Variants in ATP2A2 observed in about 807,000 individuals in gnomAD.
The protein encoded by ATP2A2 is ATPase sarcoplasmic/endoplasmic reticulum Ca2+ transporting 2.
ATP2A2 carries 14 observed loss-of-function variants against 109.3 expected under a neutral mutation model. The observed-to-expected ratio is 0.13, with a 90% CI of 0.08 to 0.20. The LOEUF (loss-of-function observed/expected upper bound fraction) is 0.20. Among genes scored for constraint, ATP2A2 ranks in the 10% least tolerant of loss-of-function variants. ATP2A2 has a pLI of 1.00. For missense variants in ATP2A2, 657 were observed against 1,321.6 expected (o/e 0.50, Z 7.80); for synonymous variants, 506 against 490.9 (o/e 1.03, Z -0.41).
Position 110,346,567 on chromosome 12 carries a change from T to TA in ATP2A2, c.*98dup. The TA allele has an allele frequency of 6.4e-7, 1 of 1,561,406 alleles. No individual in the cohort carries two copies. Among genetic ancestry groups the TA allele is most frequent in the Non-Finnish European group, 8.6e-7 (1 of 1,158,052 alleles). ...TTTCTGCTGAATTTTCACATGAACATACTGGCTGGTGATGGAGGTTTCATA... is the reference window on the plus strand; with the variant it reads ...TTTCTGCTGAATTTTCACATGAACATAACTGGCTGGTGATGGAGGTTTCATA... On this transcript the variant is annotated 3_prime_UTR_variant, in exon 20 of 20. Coordinates refer to ENST00000539276, the MANE Select transcript of ATP2A2 (RefSeq NM_170665.4).
intron 1 of ATP2A2, 137 bp downstream of exon 1, chr12:110,282,044 G>C: frequency 1.7e-6 from 1 of 596,538 alleles, no homozygotes; most frequent in Non-Finnish European, 2.7e-6. Context: ...CCAGCGCGCC[G>C]GCCCCGCGGG....
In ATP2A2 at chr12:110,293,367, CTTTT is replaced by C. The variant is rs1178977431; in HGVS notation, c.324+1261_324+1264del. Among the ~76,000 whole-genome samples, 645 of 79,940 alleles carry C rather than the reference CTTTT, an allele frequency of 8.1e-3. 8 individuals are homozygous for C. Among genetic ancestry groups the C allele is most frequent in the Middle Eastern group, 0.022 (2 of 90 alleles). 52.4% of individuals were successfully genotyped at this position (79,940 alleles called of 152,430 possible). A position where few individuals can be genotyped will look rare whatever the true frequency, so the allele number is the denominator to read the frequency against. ...ACAGGTGTGAGCCACCACTCCCGGCCTTTTTTTTTTTTTTTTTTTTTGTTTGTTT... is the reference window on the plus strand; with the variant it reads ...ACAGGTGTGAGCCACCACTCCCGGCCTTTTTTTTTTTTTTTTTGTTTGTTT... On this transcript the variant is annotated intron_variant, in intron 4 of 19. Coordinates refer to ENST00000539276, the MANE Select transcript of ATP2A2 (RefSeq NM_170665.4).
intron 14 of ATP2A2, among the ~76,000 whole-genome samples, chr12:110,341,647 T>C (rs1293619250): frequency 6.6e-6 from 1 of 152,014 alleles, no homozygotes; most frequent in African/African-American, 2.4e-5. Context: ...CCGAGGCAGG[T>C]GAATCACTTG....
rs560755251 is a variant in ATP2A2 at position 110,282,892 on chromosome 12, T to C, written c.219+97T>C. Reference sequence around the variant, plus strand: ...ATGATGTCCATTGGGTGAAAACATATTTGGAGTTGCAAGCTGTGTCTCTAT... The same window carrying C: ...ATGATGTCCATTGGGTGAAAACATACTTGGAGTTGCAAGCTGTGTCTCTAT... On this transcript the variant is annotated intron_variant, in intron 3 of 19. Coordinates refer to ENST00000539276, the MANE Select transcript of ATP2A2 (RefSeq NM_170665.4). 3,278 of 1,069,036 alleles carry C rather than the reference T, an allele frequency of 3.1e-3. 11 individuals carry two copies. The highest frequency in any genetic ancestry group is 0.014 in the Middle Eastern group (47 of 3,436). The allele number at this position is 1,069,036 out of a possible 1,614,324, so 66.2% of individuals were successfully genotyped here.
In ATP2A2 at chr12:110,342,683, T is replaced by C. The variant is rs895006997; in HGVS notation, c.2318+235T>C. Among the ~76,000 whole-genome samples, 8 of 152,308 alleles carry C rather than the reference T, an allele frequency of 5.3e-5. No homozygotes were observed. The highest frequency in any genetic ancestry group is 1.9e-4 in the African/African-American group (8 of 41,584). On this transcript the variant is annotated intron_variant, in intron 15 of 19. Transcript: ENST00000539276. The surrounding 1 kb of genome is among the most constrained non-coding windows in gnomAD (Gnocchi z 4.6). ...AATCCTCTTTAACGTGAGACTGAGC[T>C]AACATTAACCAGGTAGTCACATGAA...
chr12:110,346,413 C>T lies in ATP2A2; in HGVS notation c.3072C>T (p.Pro1024=). The T allele has an allele frequency of 6.2e-7, 1 of 1,614,176 alleles. No individual in the cohort carries two copies. ...ISWPFVLLIM[P]LVIWVYSTDT... ...GGCCGTTTGTGCTGCTCATAATGCCCCTGGTGATCTGGGTCTATAGCACAG... is the reference window on the plus strand; with the variant it reads ...GGCCGTTTGTGCTGCTCATAATGCCTCTGGTGATCTGGGTCTATAGCACAG... Residue 1024 remains proline (P), a synonymous_variant, in exon 20 of 20, where the codon CCC becomes CCT. Coordinates refer to ENST00000539276, the MANE Select transcript of ATP2A2 (RefSeq NM_170665.4).
At chr12:110,338,680 T>G (rs2137848850) in intron 11 of ATP2A2, among the ~76,000 whole-genome samples, 1 of 152,298 alleles carries the variant, frequency 6.6e-6, no homozygotes, top group East Asian at 1.9e-4. Context: ...ACTGCTGACC[T>G]CAGGTGATCC....
chr12:110,346,476 A>G lies in ATP2A2; in HGVS notation c.*6A>G, dbSNP rs1427805492. 2 of 1,614,192 alleles carry G rather than the reference A, an allele frequency of 1.2e-6. No homozygotes were observed. Among genetic ancestry groups the G allele is most frequent in the Admixed American group, 1.7e-5 (1 of 60,024 alleles). Reference sequence around the variant, plus strand: ...GCGATATGTTCTGGTCTTGACTGACAGTTTTCCATAAAGAAGATGTTTAAC... The same window carrying G: ...GCGATATGTTCTGGTCTTGACTGACGGTTTTCCATAAAGAAGATGTTTAAC... On this transcript the variant is annotated 3_prime_UTR_variant, in exon 20 of 20. Coordinates refer to ENST00000539276, the MANE Select transcript of ATP2A2 (RefSeq NM_170665.4).
At chr12:110,282,486 A>G in intron 1 of ATP2A2, 118 bp from the exon 2 acceptor site, 2 of 1,351,952 alleles carry the variant, frequency 1.5e-6, no homozygotes, top group African/African-American at 1.4e-5. Flanking sequence ...TTTTAAAGAT[A>G]TTGATGCTTA....
intron 5 of ATP2A2, among the ~76,000 whole-genome samples, chr12:110,314,761 C>A (rs1156311398): frequency 6.6e-6 from 1 of 151,982 alleles, no homozygotes; most frequent in Non-Finnish European, 1.5e-5. Context: ...TATTACTATA[C>A]AGCCACTTTT....
chr12:110,326,169 T>C, intron 6 of ATP2A2: 1 of 562,318 alleles, frequency 1.8e-6, no homozygotes, highest in Non-Finnish European at 3.2e-6. Context: ...TTTTTTATTT[T>C]GGAATTGTGT....
At chr12:110,321,659 T>G (rs1877258646) in intron 5 of ATP2A2, among the ~76,000 whole-genome samples, 1 of 152,210 alleles carries the variant, frequency 6.6e-6, no homozygotes, top group South Asian at 2.1e-4. Flanking sequence ...GGTCTCGAAC[T>G]CCTAGCTTCG....
chr12:110,285,752 G>T (rs770034203), intron 3 of ATP2A2, among the ~76,000 whole-genome samples: 1 of 152,130 alleles, frequency 6.6e-6, no homozygotes, highest in East Asian at 1.9e-4. Flanking sequence ...ATTTGCATAG[G>T]TTTCTCTACC....
chr12:110,281,940 G>C (rs930340276), intron 1 of ATP2A2, 33 bp downstream of exon 1: 2 of 1,526,730 alleles, frequency 1.3e-6, no homozygotes, highest in East Asian at 2.5e-5. Context: ...CAGGGGCCCG[G>C]CGCGGCCGGG....
chr12:110,310,004 A>G (rs934452516), intron 5 of ATP2A2, among the ~76,000 whole-genome samples: 3 of 152,120 alleles, frequency 2.0e-5, no homozygotes, highest in African/African-American at 7.2e-5. Context: ...ATTTCTCCGG[A>G]TGGATGGAAA....
At chr12:110,306,799 C>T (rs1343571007) in intron 5 of ATP2A2, among the ~76,000 whole-genome samples, 2 of 152,078 alleles carry the variant, frequency 1.3e-5, no homozygotes, top group African/African-American at 2.4e-5. Context: ...GCGATTTTGG[C>T]TCAGTGCAAC....
At position 110,347,552 on chromosome 12, in the gene ATP2A2, A is replaced by C. The variant is rs1233484897; in HGVS notation, c.*1082A>C. 7.8e-7 allele frequency: 1 copy of C among 1,286,730 alleles called. No individual in the cohort carries two copies. The highest frequency in any genetic ancestry group is 1.0e-6 in the Non-Finnish European group (1 of 986,986). 79.7% of individuals were successfully genotyped at this position (1,286,730 alleles called of 1,614,324 possible). ...TTTCTGCTGGCCTGGTATAGAGAAC[A>C]TAAGGGCAAGTGTGTATGTGTGTGT... is the stretch of plus-strand genomic sequence containing the variant. On this transcript the variant is annotated 3_prime_UTR_variant, in exon 20 of 20. Transcript: ENST00000539276.
intron 5 of ATP2A2, among the ~76,000 whole-genome samples, chr12:110,303,399 CTTTT>C (rs1874894580): frequency 2.0e-5 from 3 of 151,196 alleles, no homozygotes; most frequent in South Asian, 4.2e-4. Flanking sequence ...GGCTTGCTTG[CTTTT>C]TTGTTTGTTT....
chr12:110,285,381 C>T (rs566934436), intron 3 of ATP2A2, among the ~76,000 whole-genome samples: 99 of 152,274 alleles, frequency 6.5e-4, no homozygotes, highest in African/African-American at 2.4e-4. Flanking sequence ...TCATTCTCTT[C>T]TTGATTACCA....
Sources: gnomAD v4.1 joint callset for allele counts (sites outside exome capture counted in the v4.1 genomes callset) on GRCh38, gnomAD v4.1.1 for gene constraint, Gnocchi (gnomAD v3.1) non-coding constraint, MANE v1.5 for transcripts, NCBI Gene and HGNC (gene_info 2026-07-23, HGNC 2026-07-21) for gene names.